The following LATS2 variants were observed in gnomAD, a reference collection of about 807,000 sequenced individuals.
The protein encoded by LATS2 is large tumor suppressor kinase 2, also known as serine/threonine-protein kinase LATS2.
A neutral mutation model predicts 76.0 loss-of-function variants in LATS2; 24 were observed. That is an observed-to-expected ratio of 0.32 (90% CI 0.23 to 0.44). LATS2 has a LOEUF of 0.44. LATS2 is among the 20% of genes least tolerant of loss of function. LATS2 has a pLI of 1.00. For missense variants in LATS2, 1,286 were observed against 1,481.2 expected (o/e 0.87, Z 2.16); for synonymous variants, 692 against 635.4 (o/e 1.09, Z -1.34).
Position 20,988,703 on chromosome 13 carries a change from C to A in LATS2, c.1077G>T (p.Leu359=). ...TPSRNSLNVD[L]YELGSTSVQQ... The stretch of plus-strand genomic sequence containing the variant: ...GGACGGAGGTGCTGCCCAATTCATA[C>A]AGGTCCACGTTGAGGCTGTTCCGCG... The change falls in exon 4 of 8, where the codon CTG becomes CTT. Residue 359 remains leucine, a synonymous_variant. Transcript: ENST00000382592. The A allele has an allele frequency of 6.4e-7, 1 of 1,567,664 alleles. No individual in the cohort carries two copies. Among genetic ancestry groups the A allele is most frequent in the South Asian group, 1.2e-5 (1 of 85,448 alleles).
At chr13:20,999,816 G>C (rs560959731) in intron 2 of LATS2, among the ~76,000 whole-genome samples, 1 of 148,430 alleles carries the variant, frequency 6.7e-6, no homozygotes, top group Non-Finnish European at 1.5e-5. Flanking sequence ...CAATGATCAC[G>C]AGACCAGCCT....
chr13:20,977,240 A>G (rs1320117266), intron 7 of LATS2, among the ~76,000 whole-genome samples: 1 of 152,126 alleles, frequency 6.6e-6, no homozygotes, highest in African/African-American at 2.4e-5. Flanking sequence ...TACTAAAAAT[A>G]CAAAAATTAG....
intron 1 of LATS2, among the ~76,000 whole-genome samples, chr13:21,049,434 T>TG (rs1873185074): frequency 6.6e-6 from 1 of 152,022 alleles, no homozygotes; most frequent in African/African-American, 2.4e-5. Flanking sequence ...TGGGGAGGGG[T>TG]GCTGGCATCT....
chr13:20,983,487 C>T lies in LATS2; in HGVS notation c.2219G>A (p.Ser740Asn), dbSNP rs575963262. ...KLYYSFQDKD[S>N]LYFVMDYIPG... ...GATGTAGTCCATCACAAAGTACAGG[C>T]TGTCTTTGTCTTGGAAGGAGTAGTA... is the stretch of plus-strand genomic sequence containing the variant. The change falls in exon 5 of 8, where the codon AGC becomes AAC. Residue 740 changes from serine to asparagine, a missense_variant. Physicochemically the swap from Ser to Asn is conservative, Grantham distance 46. Around this residue, in one of 5 missense-constraint regions of LATS2, gnomAD observed 247 missense variants for 385.4 expected, o/e 0.64. Transcript: ENST00000382592. 6.2e-7 allele frequency: 1 copy of T among 1,614,096 alleles called. No individual in the cohort carries two copies. Among genetic ancestry groups the T allele is most frequent in the Admixed American group, 1.7e-5 (1 of 60,004 alleles).
At chr13:20,985,326 T>C (rs1307616395) in intron 4 of LATS2, among the ~76,000 whole-genome samples, 2 of 152,328 alleles carry the variant, frequency 1.3e-5, no homozygotes, top group South Asian at 2.1e-4. Flanking sequence ...GTAAAGAGGA[T>C]ACCTGTGTTG....
chr13:20,995,876 T>C lies in LATS2; in HGVS notation c.343-4472A>G, dbSNP rs149309276. On this transcript the variant is annotated intron_variant, in intron 2 of 7. Coordinates refer to ENST00000382592, the MANE Select transcript of LATS2 (RefSeq NM_014572.3). ...TGCACTATTTACCAATTACTAATTA[T>C]TTACAGAGTAATGTGGTAGGCTAAC... Among the ~76,000 whole-genome samples, 34 of 152,354 alleles carry C rather than the reference T, an allele frequency of 2.2e-4. No homozygotes were observed. In the East Asian group the frequency reaches 6.4e-3, roughly 28 times the overall value.
intron 1 of LATS2, among the ~76,000 whole-genome samples, chr13:21,061,095 G>T (rs975250561): frequency 1.1e-4 from 16 of 151,812 alleles, no homozygotes; most frequent in African/African-American, 3.9e-4. Flanking sequence ...GGCTCCTCTG[G>T]AACCGGCTCC....
At position 21,046,176 on chromosome 13, in the gene LATS2, T is replaced by C. The variant is rs1873070485; in HGVS notation, c.-150A>G. ...ATGTTCTTTCCTTCCATTTTTGTAG[T>C]TCCTATAGAGAACCTAAAATTTTCC... is the stretch of plus-strand genomic sequence containing the variant. On this transcript the variant is annotated 5_prime_UTR_variant, in exon 2 of 8. Transcript: ENST00000382592. 2 of 627,712 alleles carry C rather than the reference T, an allele frequency of 3.2e-6. No individual in the cohort carries two copies. The highest frequency in any genetic ancestry group is 2.6e-6 in the Non-Finnish European group (1 of 380,740). The allele number at this position is 627,712 out of a possible 1,614,324, so 38.9% of individuals were successfully genotyped here. A position where few individuals can be genotyped will look rare whatever the true frequency, so the allele number is the denominator to read the frequency against.
intron 2 of LATS2, among the ~76,000 whole-genome samples, chr13:20,995,449 T>TG (rs1870710428): frequency 6.6e-6 from 1 of 151,996 alleles, no homozygotes; most frequent in African/African-American, 2.4e-5. Context: ...AAAGCAAGAG[T>TG]TCAGCTGCAA....
chr13:21,002,705 T>G (rs1871104721), intron 2 of LATS2, among the ~76,000 whole-genome samples: 1 of 152,022 alleles, frequency 6.6e-6, no homozygotes, highest in African/African-American at 2.4e-5. Flanking sequence ...TATAATTTAT[T>G]TTTTAGAGAC....
rs1277389462 is a variant in LATS2, at chr13:21,040,299, T to C, written c.342+5386A>G. Among the ~76,000 whole-genome samples, 6 of 151,086 alleles carry C rather than the reference T, an allele frequency of 4.0e-5. No homozygotes were observed. In the East Asian group the frequency reaches 5.8e-4, roughly 15 times the overall value. On this transcript the variant is annotated intron_variant, in intron 2 of 7. Transcript: ENST00000382592. ...TTACTTTGGAGGTTGAGGCGGAGAA[T>C]TGCTTGAGCCCAGGTCAAGGCTACA...
rs772276927 is a variant in LATS2 at position 20,974,973 on chromosome 13, C to T, written c.3164G>A (p.Cys1055Tyr). 4 of 1,614,176 alleles carry T rather than the reference C, an allele frequency of 2.5e-6. No individual in the cohort carries two copies. The highest frequency in any genetic ancestry group is 8.5e-7 in the Non-Finnish European group (1 of 1,180,042). Residue 1055 changes from cysteine (C) to tyrosine (Y), a missense_variant, in exon 8 of 8, where the codon TGC (cysteine) becomes TAC (tyrosine). This residue lies in a region of LATS2 where 210 missense variants were observed against 234.9 expected (regional missense o/e 0.89). Coordinates refer to ENST00000382592, the MANE Select transcript of LATS2 (RefSeq NM_014572.3). Reference sequence around the variant, plus strand: ...AGCTTCTGCTCCTGAAGGCTTTGGGCATCGAAAGGGGTAGCCATTGTCATC... The same window carrying T: ...AGCTTCTGCTCCTGAAGGCTTTGGGTATCGAAAGGGGTAGCCATTGTCATC... The part of the protein sequence containing the change: ...FFDDNGYPFR[C>Y]PKPSGAEASQ...
intron 2 of LATS2, among the ~76,000 whole-genome samples, chr13:21,020,786 G>A (rs1418330136): frequency 6.6e-6 from 1 of 152,142 alleles, no homozygotes; most frequent in Non-Finnish European, 1.5e-5. Flanking sequence ...AGGCAACCCC[G>A]TCATGCAAGC....
chr13:21,025,393 CAAAAA>C (rs1171981071), intron 2 of LATS2, among the ~76,000 whole-genome samples: 1 of 49,744 alleles, frequency 2.0e-5, no homozygotes, highest in African/African-American at 9.2e-5. Context: ...ACTCCGTCTC[CAAAAA>C]AAAAAAAAAA....
At chr13:21,035,166 T>C (rs1345366673) in intron 2 of LATS2, among the ~76,000 whole-genome samples, 1 of 152,000 alleles carries the variant, frequency 6.6e-6, no homozygotes, top group African/African-American at 2.4e-5. Context: ...GCATGATGAA[T>C]GTGGCTTTAA....
intron 7 of LATS2, among the ~76,000 whole-genome samples, chr13:20,976,370 T>C: frequency 6.6e-6 from 1 of 152,122 alleles, no homozygotes; most frequent in African/African-American, 2.4e-5. Flanking sequence ...TAGGGTGAAA[T>C]CTTCATGAAC....
rs183625707 is a variant in LATS2, at chr13:20,983,812, T to A, written c.1900-6A>T. 3.6e-5 allele frequency: 57 copies of A among 1,600,506 alleles called. No individual in the cohort carries two copies. The highest frequency in any genetic ancestry group is 4.8e-5 in the Non-Finnish European group (56 of 1,173,496). On this transcript the variant is annotated splice_polypyrimidine_tract_variant and splice_region_variant and intron_variant, in intron 4 of 7. Transcript: ENST00000382592. ...TCAGCTTCACAGAGTCCAGCCTGTG[T>A]AGAAGGAAAAGGAAGGAGGAAGAAT...
intron 7 of LATS2, among the ~76,000 whole-genome samples, chr13:20,975,658 A>T (rs1869584879): frequency 6.6e-6 from 1 of 152,208 alleles, no homozygotes; most frequent in Non-Finnish European, 1.5e-5. Flanking sequence ...ACAAAAATGA[A>T]GAGAATGATG....
intron 3 of LATS2, among the ~76,000 whole-genome samples, chr13:20,990,500 G>A (rs1870462039): frequency 9.5e-6 from 1 of 105,696 alleles, no homozygotes; most frequent in Non-Finnish European, 1.9e-5. Flanking sequence ...ATACAGACGA[G>A]GTCTCCCTCT....
Sources: gnomAD v4.1 joint callset for allele counts (sites outside exome capture counted in the v4.1 genomes callset) on GRCh38, gnomAD v4.1.1 for gene constraint, gnomAD v4.1.1 regional missense constraint, MANE v1.5 for transcripts, NCBI Gene and HGNC (gene_info 2026-07-23, HGNC 2026-07-21) for gene names.